GNAO1: variants seen among roughly 807,000 people sequenced by gnomAD.
The protein encoded by GNAO1 is guanine nucleotide-binding protein G(o) subunit alpha.
For missense variants in GNAO1, 166 were observed against 478.7 expected (o/e 0.35, Z 6.10); for synonymous variants, 164 against 180.7 (o/e 0.91, Z 0.74).
intron 2 of GNAO1, among the ~76,000 whole-genome samples, chr16:56,227,230 G>T (rs2036540206): frequency 6.6e-6 from 1 of 152,194 alleles, no homozygotes. Flanking sequence ...CCCCGCCACT[G>T]CTCCTGGCCT....
At chr16:56,253,498 G>C (rs2036818182) in intron 2 of GNAO1, among the ~76,000 whole-genome samples, 1 of 152,246 alleles carries the variant, frequency 6.6e-6, no homozygotes, top group African/African-American at 2.4e-5. Context: ...CTGATGAGAA[G>C]CTTTTAAAGC....
chr16:56,327,731 G>T (rs1320565993), intron 3 of GNAO1, among the ~76,000 whole-genome samples: 5 of 152,116 alleles, frequency 3.3e-5, no homozygotes, highest in African/African-American at 4.8e-5. Context: ...TACTTTTTCT[G>T]TAATTTCAAG....
At position 56,356,182 on chromosome 16, in the gene GNAO1, T is replaced by C. The variant is rs1209950439; in HGVS notation, c.*108T>C. Reference sequence around the variant, plus strand: ...TGGCCTTTGTAAGACACACAGCCTTTCTGTATCAAGCCCCTGTCTAACCTA... The same window carrying C: ...TGGCCTTTGTAAGACACACAGCCTTCCTGTATCAAGCCCCTGTCTAACCTA... On this transcript the variant is annotated 3_prime_UTR_variant, in exon 9 of 9. Coordinates refer to ENST00000262493, the MANE Select transcript of GNAO1 (RefSeq NM_020988.3). The C allele has an allele frequency of 6.5e-6, 1 of 152,702 alleles. No homozygotes were observed. The highest frequency in any genetic ancestry group is 1.5e-5 in the Non-Finnish European group (1 of 68,076). The allele number at this position is 152,702 out of a possible 1,614,324, so 9.5% of individuals were successfully genotyped here.
rs372787855 is a variant in GNAO1, at chr16:56,192,361, C to T, written c.118+8C>T. On this transcript the variant is annotated splice_region_variant and intron_variant, in intron 1 of 8. Coordinates refer to ENST00000262493, the MANE Select transcript of GNAO1 (RefSeq NM_020988.3). The stretch of plus-strand genomic sequence containing the variant: ...TGAAATTACTCCTGCTCGGTAAGGA[C>T]CGCCGCTGCTACCCCCATCCCCCGA... 243 of 1,499,032 alleles carry T rather than the reference C, an allele frequency of 1.6e-4. 1 individual carries two copies. The highest frequency in any genetic ancestry group is 2.2e-4 in the Non-Finnish European group (233 of 1,076,550). The allele number at this position is 1,499,032 out of a possible 1,614,324, so 92.9% of individuals were successfully genotyped here.
intron 3 of GNAO1, among the ~76,000 whole-genome samples, chr16:56,321,927 A>T (rs1108658): frequency 0.85 from 128,920 of 152,216 alleles, 54,766 homozygotes; most frequent in East Asian, 0.97. Flanking sequence ...GAATACCATA[A>T]GCTGGGTGGC....
intron 3 of GNAO1, among the ~76,000 whole-genome samples, chr16:56,313,406 A>G (rs2037478116): frequency 6.6e-6 from 1 of 152,182 alleles, no homozygotes; most frequent in East Asian, 1.9e-4. Flanking sequence ...TCCATTACAC[A>G]TTAATATAAA....
rs754360301 is a variant in GNAO1, at chr16:56,243,050, A to G, written c.162-32881A>G. Among the ~76,000 whole-genome samples, 9 of 152,086 alleles carry G rather than the reference A, an allele frequency of 5.9e-5. No homozygotes were observed. In the South Asian group the frequency reaches 1.7e-3, roughly 28 times the overall value. On this transcript the variant is annotated intron_variant, in intron 2 of 8. Coordinates refer to ENST00000262493, the MANE Select transcript of GNAO1 (RefSeq NM_020988.3). ...TGTGAACTGTACATGCAAGGGATCT[A>G]GGTTGCATGCTTCTTATAAGAATCT...
chr16:56,246,268 G>A (rs558623196), intron 2 of GNAO1, among the ~76,000 whole-genome samples: 34 of 152,344 alleles, frequency 2.2e-4, no homozygotes, highest in African/African-American at 8.2e-4. Flanking sequence ...TCCTGAAGCA[G>A]TCGTTAACCT....
At chr16:56,223,479 T>C (rs1409713573) in intron 2 of GNAO1, among the ~76,000 whole-genome samples, 1 of 152,206 alleles carries the variant, frequency 6.6e-6, no homozygotes, top group Non-Finnish European at 1.5e-5. Flanking sequence ...ACCCGGATAA[T>C]CCAGGATAAT....
chr16:56,267,364 C>T (rs148113454), intron 2 of GNAO1, among the ~76,000 whole-genome samples: 3 of 152,240 alleles, frequency 2.0e-5, no homozygotes, highest in Admixed American at 2.0e-4. Flanking sequence ...CAGACCCGTG[C>T]CAGTGCCAGC....
chr16:56,226,577 A>G (rs1596808003), intron 2 of GNAO1: 1 of 152,210 alleles, frequency 6.6e-6, no homozygotes, highest in South Asian at 2.1e-4. Context: ...CTGAGGTAGG[A>G]AAGACTAGAG....
At chr16:56,209,850 C>T (rs532758765) in intron 2 of GNAO1, among the ~76,000 whole-genome samples, 13 of 152,022 alleles carry the variant, frequency 8.6e-5, no homozygotes, top group Non-Finnish European at 1.9e-4. Flanking sequence ...GCAGTTCTCA[C>T]CAGAGGGCAC....
At chr16:56,355,349 G>C (rs2037958518) in intron 8 of GNAO1, 1 of 153,622 alleles carries the variant, frequency 6.5e-6, no homozygotes, top group African/African-American at 2.4e-5. Flanking sequence ...ACGTGTGTGT[G>C]TGTACACACA....
At chr16:56,299,688 T>C (rs2037322492) in intron 3 of GNAO1, among the ~76,000 whole-genome samples, 1 of 152,270 alleles carries the variant, frequency 6.6e-6, no homozygotes, top group East Asian at 1.9e-4. Context: ...TTTATATTTA[T>C]GTGGAACTGA....
At chr16:56,199,304 A>G (rs1229976609) in intron 2 of GNAO1, among the ~76,000 whole-genome samples, 4 of 152,212 alleles carry the variant, frequency 2.6e-5, no homozygotes, top group Admixed American at 2.6e-4. Flanking sequence ...ACCTCTAACC[A>G]AACTTTTCAT....
intron 3 of GNAO1, chr16:56,302,604 G>A (rs945260714): frequency 1.3e-5 from 2 of 152,172 alleles, no homozygotes; most frequent in East Asian, 1.9e-4. Context: ...AAAACCCTCC[G>A]TGACTTCCTA....
chr16:56,351,807 C>G lies in GNAO1; in HGVS notation c.877+270C>G. 1 of 406,522 alleles carries G rather than the reference C, an allele frequency of 2.5e-6. No homozygotes were observed. Among genetic ancestry groups the G allele is most frequent in the East Asian group, 4.5e-5 (1 of 22,348 alleles). The allele number at this position is 406,522 out of a possible 1,614,324, so 25.2% of individuals were successfully genotyped here. A position where few individuals can be genotyped will look rare whatever the true frequency, so the allele number is the denominator to read the frequency against. ...GAGTGGTGGGGAGCAGGGGGCAGGACAGGATCACAGGCTTCCCCCTTCCTC... is the reference window on the plus strand; with the variant it reads ...GAGTGGTGGGGAGCAGGGGGCAGGAGAGGATCACAGGCTTCCCCCTTCCTC... On this transcript the variant is annotated intron_variant, in intron 7 of 8. Coordinates refer to ENST00000262493, the MANE Select transcript of GNAO1 (RefSeq NM_020988.3). The surrounding 1 kb of genome is among the most constrained non-coding windows in gnomAD (Gnocchi z 6.1).
chr16:56,193,459 T>C (rs1206152036), intron 2 of GNAO1: 2 of 157,654 alleles, frequency 1.3e-5, no homozygotes, highest in South Asian at 3.7e-4. Context: ...ATTTACACTC[T>C]GCATAGGCCG....
intron 3 of GNAO1, among the ~76,000 whole-genome samples, chr16:56,324,547 C>G (rs2037611550): frequency 6.6e-6 from 1 of 152,342 alleles, no homozygotes; most frequent in African/African-American, 2.4e-5. Context: ...CTGCAGGTCC[C>G]TGACTCATAG....
Sources: gnomAD v4.1 joint callset for allele counts (sites outside exome capture counted in the v4.1 genomes callset) on GRCh38, gnomAD v4.1.1 for gene constraint, Gnocchi (gnomAD v3.1) non-coding constraint, MANE v1.5 for transcripts, NCBI Gene and HGNC (gene_info 2026-07-23, HGNC 2026-07-21) for gene names.